The following SLC25A24 variants were observed in gnomAD, a reference collection of about 807,000 sequenced individuals.
The protein encoded by SLC25A24 is mitochondrial adenyl nucleotide antiporter SLC25A24.
Under a neutral mutation model 60.7 loss-of-function variants are expected in SLC25A24, and 49 were observed. That is an observed-to-expected ratio of 0.81 (90% CI 0.64 to 1.02). SLC25A24 has a LOEUF of 1.02. SLC25A24 is among the 50% of genes least tolerant of loss of function. SLC25A24 has a pLI of 0.00. For missense variants in SLC25A24, 564 were observed against 586.3 expected, an observed-to-expected ratio of 0.96 and a Z score of 0.39; for synonymous variants, 202 against 200.6, an observed-to-expected ratio of 1.01 and a Z score of -0.06.
Position 108,167,106 on chromosome 1 carries a change from C to T in SLC25A24, c.399-5813G>A, listed in dbSNP as rs539530893. Among the ~76,000 whole-genome samples the T allele has an allele frequency of 1.6e-3, 245 of 151,876 alleles. 3 individuals carry two copies. The highest frequency in any genetic ancestry group is 5.7e-3 in the African/African-American group (235 of 41,372). On this transcript the variant is annotated intron_variant, in intron 3 of 9. Coordinates refer to ENST00000565488, the MANE Select transcript of SLC25A24 (RefSeq NM_013386.5). The stretch of plus-strand genomic sequence containing the variant: ...GTGCCTCCCAGTTAGGCTGCTCGGG[C>T]GTCAGGGGTCAGGGACCCACTTGAG...
intron 3 of SLC25A24, among the ~76,000 whole-genome samples, chr1:108,179,529 A>T (rs901723544): frequency 4.6e-5 from 7 of 152,184 alleles, no homozygotes; most frequent in African/African-American, 1.7e-4. Flanking sequence ...CCACCAATGC[A>T]TGAAGAGAGA....
At chr1:108,183,840 T>C (rs1376741477) in intron 2 of SLC25A24, among the ~76,000 whole-genome samples, 1 of 152,218 alleles carries the variant, frequency 6.6e-6, no homozygotes, top group Non-Finnish European at 1.5e-5. Context: ...TGCCTTATTC[T>C]ACTAGCTAGG....
chr1:108,181,829 G>C (rs998836083), intron 3 of SLC25A24, 112 bp downstream of exon 3: 9 of 743,398 alleles, frequency 1.2e-5, no homozygotes, highest in Middle Eastern at 2.3e-4. Context: ...AAAGATCTTG[G>C]ATATACATAA....
intron 3 of SLC25A24, among the ~76,000 whole-genome samples, chr1:108,163,998 T>C (rs1342094065): frequency 1.3e-5 from 2 of 152,248 alleles, no homozygotes; most frequent in Non-Finnish European, 2.9e-5. Flanking sequence ...GTTTTTAGCA[T>C]GAAGTGTTGT....
At chr1:108,154,083 T>TC in intron 6 of SLC25A24, among the ~76,000 whole-genome samples, 1 of 150,634 alleles carries the variant, frequency 6.6e-6, no homozygotes, top group African/African-American at 2.4e-5. Context: ...ATTTTTTTTT[T>TC]TTTTTTGCTT....
chr1:108,165,892 C>T (rs572052617), intron 3 of SLC25A24, among the ~76,000 whole-genome samples: 26 of 152,148 alleles, frequency 1.7e-4, no homozygotes, highest in Admixed American at 1.2e-3. Flanking sequence ...CTAGTCTCGA[C>T]GGTCTTTACA....
At chr1:108,149,810 C>T (rs1046172841) in intron 6 of SLC25A24, among the ~76,000 whole-genome samples, 14 of 152,196 alleles carry the variant, frequency 9.2e-5, no homozygotes, top group Non-Finnish European at 8.8e-5. Flanking sequence ...TCCATCCCCA[C>T]AGTGATGCCC....
intron 3 of SLC25A24, among the ~76,000 whole-genome samples, chr1:108,171,995 AG>A (rs1427911664): frequency 6.6e-6 from 1 of 152,258 alleles, no homozygotes; most frequent in Non-Finnish European, 1.5e-5. Context: ...CATGAAGCAC[AG>A]AAACAAATTG....
At chr1:108,177,935 C>T (rs1015053304) in intron 3 of SLC25A24, among the ~76,000 whole-genome samples, 21 of 152,168 alleles carry the variant, frequency 1.4e-4, no homozygotes, top group Admixed American at 9.8e-4. Flanking sequence ...GAGGCCAAGG[C>T]GGGTGGATCA....
At chr1:108,170,289 A>G (rs1647416614) in intron 3 of SLC25A24, among the ~76,000 whole-genome samples, 1 of 152,138 alleles carries the variant, frequency 6.6e-6, no homozygotes, top group African/African-American at 2.4e-5. Context: ...TATGTCTGTA[A>G]TTAACTTCTA....
chr1:108,191,787 C>T (rs1194793644), intron 1 of SLC25A24, among the ~76,000 whole-genome samples: 1 of 139,448 alleles, frequency 7.2e-6, no homozygotes, highest in African/African-American at 2.5e-5. Flanking sequence ...CCCAGTCTAC[C>T]GGGTCAAACA....
In SLC25A24 at chr1:108,157,545, T is replaced by A. The variant is rs1226304256; in HGVS notation, c.586A>T (p.Arg196Trp). 1 of 1,614,022 alleles carries A rather than the reference T, an allele frequency of 6.2e-7. No homozygotes were observed. Among genetic ancestry groups the A allele is most frequent in the Non-Finnish European group, 8.5e-7 (1 of 1,180,032 alleles). The change falls in exon 5 of 10, where the codon AGG becomes TGG. Residue 196 changes from arginine (R) to tryptophan (W), a missense_variant. Arg to Trp is a moderately radical substitution (Grantham distance 101). Coordinates refer to ENST00000565488, the MANE Select transcript of SLC25A24 (RefSeq NM_013386.5). Reference sequence around the variant, plus strand: ...GCAATGCCTCCTGCCAAAAGCTGCCTCCACCATTGTCCGGATTTTTTTTCG... The same window carrying A: ...GCAATGCCTCCTGCCAAAAGCTGCCACCACCATTGTCCGGATTTTTTTTCG... ...EDEKKSGQWWRQLLAGGIAGA... is the reference protein window; with the variant it reads ...EDEKKSGQWWWQLLAGGIAGA...
chr1:108,151,434 C>T (rs923418950), intron 6 of SLC25A24, among the ~76,000 whole-genome samples: 3 of 152,090 alleles, frequency 2.0e-5, no homozygotes, highest in Non-Finnish European at 4.4e-5. Context: ...TTATACTAAG[C>T]TTACCTATCT....
chr1:108,157,229 T>C (rs1247967327), intron 5 of SLC25A24, among the ~76,000 whole-genome samples: 3 of 152,218 alleles, frequency 2.0e-5, no homozygotes, highest in Non-Finnish European at 4.4e-5. Context: ...TGAATAGTCA[T>C]AGAATGCCAA....
In SLC25A24 at chr1:108,144,475, G is replaced by A. The variant is rs189000909; in HGVS notation, c.931-765C>T. Among the ~76,000 whole-genome samples, 150 of 152,188 alleles carry A rather than the reference G, an allele frequency of 9.9e-4. 2 individuals carry two copies. Among genetic ancestry groups the A allele is most frequent in the African/African-American group, 3.5e-3 (145 of 41,524 alleles). On this transcript the variant is annotated intron_variant, in intron 7 of 9. Coordinates refer to ENST00000565488, the MANE Select transcript of SLC25A24 (RefSeq NM_013386.5). ...CTTTAAGTTCTGGGATACATGTGCA[G>A]AACGTGCAGGTTTGTTACATAGGTA...
intron 1 of SLC25A24, among the ~76,000 whole-genome samples, chr1:108,187,150 A>T (rs1571308701): frequency 6.6e-6 from 1 of 152,116 alleles, no homozygotes; most frequent in East Asian, 1.9e-4. Flanking sequence ...TCAGATCTCC[A>T]ACCTCCAGAC....
rs763613175 is a variant in SLC25A24, at chr1:108,185,880, G to T, written c.258C>A (p.Asp86Glu). 5 of 1,587,038 alleles carry T rather than the reference G, an allele frequency of 3.2e-6. No homozygotes were observed. Among genetic ancestry groups the T allele is most frequent in the South Asian group, 1.1e-5 (1 of 88,570 alleles). The change falls in exon 2 of 10, where the codon GAC becomes GAA. Residue 86 changes from aspartate to glutamate, a missense_variant. By Grantham distance (45) the Asp-to-Glu change is conservative. Coordinates refer to ENST00000565488, the MANE Select transcript of SLC25A24 (RefSeq NM_013386.5). Reference protein sequence around the residue: ...DFEEFMKYLKDHEKKMKLAFK... With the variant: ...DFEEFMKYLKEHEKKMKLAFK... ...ATGCCAATTTCATTTTCTTCTCATG[G>T]TCTTTAAGGTACTTCATAAATTCTT...
At chr1:108,190,149 C>T (rs986465812) in intron 1 of SLC25A24, among the ~76,000 whole-genome samples, 16 of 152,130 alleles carry the variant, frequency 1.1e-4, no homozygotes, top group African/African-American at 3.9e-4. Context: ...AGACTCAAAG[C>T]CAGGCAGAGG....
chr1:108,143,836 G>C (rs779144759), intron 7 of SLC25A24, 126 bp from the exon 8 acceptor site: 19 of 744,418 alleles, frequency 2.6e-5, no homozygotes, highest in Non-Finnish European at 3.9e-5. Flanking sequence ...TGTACAATTT[G>C]TTGATACATT....
Sources: allele counts gnomAD v4.1 joint callset (sites outside exome capture counted in the v4.1 genomes callset), GRCh38; gene constraint gnomAD v4.1.1; transcripts MANE v1.5; gene names NCBI Gene and HGNC (gene_info 2026-07-23, HGNC 2026-07-21).